ERMARD: variants seen among roughly 807,000 people sequenced by gnomAD.
ERMARD encodes ER membrane associated RNA degradation, also known as endoplasmic reticulum membrane-associated RNA degradation protein.
ERMARD carries 71 observed loss-of-function variants against 83.9 expected under a neutral mutation model. The ratio of observed to expected loss-of-function variants is 0.85; its 90% CI spans 0.70 to 1.03. The LOEUF (loss-of-function observed/expected upper bound fraction) is 1.03. ERMARD is among the 50% of genes least tolerant of loss of function. ERMARD has a pLI of 0.00. For missense variants in ERMARD, 838 were observed against 810.9 expected (o/e 1.03, Z -0.41); for synonymous variants, 284 against 298.6 (o/e 0.95, Z 0.50).
intron 5 of ERMARD, among the ~76,000 whole-genome samples, chr6:169,757,111 C>T (rs952121726): frequency 2.6e-5 from 4 of 152,196 alleles, no homozygotes; most frequent in African/African-American, 4.8e-5. Flanking sequence ...TCTCCCCCTG[C>T]GTCCCTCCCA....
intron 16 of ERMARD, among the ~76,000 whole-genome samples, chr6:169,778,429 ATAACAGCAGATTAACTTGAT>A (rs1319465416): frequency 3.3e-4 from 50 of 152,360 alleles, no homozygotes; most frequent in African/African-American, 1.2e-3. Flanking sequence ...GATTTAAAAT[ATAACAGCAGATTAACTTGAT>A]TAACAGCAGA....
At chr6:169,751,554 G>C (rs959644051), upstream of ERMARD, 66 of 1,610,178 alleles carry the variant, frequency 4.1e-5, no homozygotes, top group Non-Finnish European at 5.3e-5. Flanking sequence ...TCCCACCTGC[G>C]CCTCGTACGG....
intron 11 of ERMARD, among the ~76,000 whole-genome samples, chr6:169,768,761 GT>G (rs1792526456): frequency 6.6e-6 from 1 of 152,078 alleles, no homozygotes; most frequent in African/African-American, 2.4e-5. Context: ...GCAAGACTCC[GT>G]CTGAAAATAA....
chr6:169,776,340 C>A, intron 15 of ERMARD, 115 bp from the exon 16 acceptor site: 1 of 1,552,986 alleles, frequency 6.4e-7, no homozygotes, highest in South Asian at 1.2e-5. Context: ...GCAGACCAAC[C>A]AGCGATACGC....
chr6:169,781,255 A>G, intron 17 of ERMARD, 75 bp from the exon 18 acceptor site: 1 of 1,338,736 alleles, frequency 7.5e-7, no homozygotes, highest in Non-Finnish European at 1.0e-6. Flanking sequence ...TAATTCCAAG[A>G]ATGAAGTGAA....
chr6:169,751,464 T>C, upstream of ERMARD: 2 of 1,613,646 alleles, frequency 1.2e-6, no homozygotes, highest in African/African-American at 1.3e-5. Context: ...TCCATCTCGC[T>C]CTGTTCTCCA....
intron 12 of ERMARD, chr6:169,771,866 T>C (rs1792963789): frequency 6.6e-6 from 1 of 151,998 alleles, no homozygotes; most frequent in Non-Finnish European, 1.5e-5. Context: ...TGAAACCCTG[T>C]CTCTAATAAA....
At position 169,768,181 on chromosome 6, in the gene ERMARD, AG is replaced by A. The variant is rs773936767; in HGVS notation, c.1059+12del. Reference sequence around the variant, plus strand: ...TGGAGAGCCTGCTATGGTAAGTATTAGGTATTTTCCAGGCTAATATTCTTGT... The same window carrying A: ...TGGAGAGCCTGCTATGGTAAGTATTAGTATTTTCCAGGCTAATATTCTTGT... On this transcript the variant is annotated intron_variant, in intron 11 of 17. Transcript: ENST00000366773. The A allele has an allele frequency of 1.9e-6, 3 of 1,611,012 alleles. No individual in the cohort carries two copies. Among genetic ancestry groups the A allele is most frequent in the Non-Finnish European group, 2.5e-6 (3 of 1,177,274 alleles).
chr6:169,755,339 G>A lies in ERMARD; in HGVS notation c.232G>A (p.Val78Ile). The change falls in exon 3 of 18, where the codon GTC (valine) becomes ATC (isoleucine). Residue 78 changes from valine (V) to isoleucine (I), a missense_variant. By Grantham distance (29) the Val-to-Ile change is conservative. Coordinates refer to ENST00000366773, the MANE Select transcript of ERMARD (RefSeq NM_018341.3). ...GCTGCTGGGCCCTGTGTGTGAGGCT[G>A]TCCATTCACATTTCTTATCTCTGAC... ...VRLLGPVCEA[V>I]HSHFLSLTKG... The A allele has an allele frequency of 6.2e-7, 1 of 1,614,174 alleles. No individual in the cohort carries two copies. The highest frequency in any genetic ancestry group is 8.5e-7 in the Non-Finnish European group (1 of 1,180,044).
rs570700631 is a variant in ERMARD at position 169,775,736 on chromosome 6, C to T, written c.1395-204C>T. The T allele has an allele frequency of 4.1e-4, 266 of 656,164 alleles. 2 individuals are homozygous for T. The highest frequency in any genetic ancestry group is 6.0e-4 in the Non-Finnish European group (234 of 390,858). 40.6% of individuals were successfully genotyped at this position (656,164 alleles called of 1,614,324 possible). On this transcript the variant is annotated intron_variant, in intron 14 of 17. Coordinates refer to ENST00000366773, the MANE Select transcript of ERMARD (RefSeq NM_018341.3). Reference sequence around the variant, plus strand: ...AGAATACGCAGGTGGTTCATCGTCTCGTCGTCACTGGACTTTGCTCTTGGC... The same window carrying T: ...AGAATACGCAGGTGGTTCATCGTCTTGTCGTCACTGGACTTTGCTCTTGGC...
Position 169,766,652 on chromosome 6 carries a change from T to C in ERMARD, c.975T>C (p.Tyr325=). 6.3e-7 allele frequency: 1 copy of C among 1,581,148 alleles called. No homozygotes were observed. The highest frequency in any genetic ancestry group is 8.5e-7 in the Non-Finnish European group (1 of 1,171,762). Residue 325 remains tyrosine (Y), a synonymous_variant, in exon 10 of 18, where the codon TAT becomes TAC. Transcript: ENST00000366773. ...CTTTTCTGAAGTCAACAGCTCTTTA[T>C]ACCACCTTTGATCAAGTAAGTAAGT... ...RLLTAESTAL[Y]TTFDQILAKH...
rs182558816 is a variant in ERMARD, at chr6:169,766,774, A to G, written c.990+107A>G. On this transcript the variant is annotated intron_variant, in intron 10 of 17. Coordinates refer to ENST00000366773, the MANE Select transcript of ERMARD (RefSeq NM_018341.3). ...AAGATCAGCCATAAATCATATACTT[A>G]CAGGAAAATGTCCATAGTAATATAA... 402 of 1,224,986 alleles carry G rather than the reference A, an allele frequency of 3.3e-4. 1 individual carries two copies. In the African/African-American group the frequency reaches 5.6e-3, roughly 17 times the overall value. The allele number at this position is 1,224,986 out of a possible 1,614,324, so 75.9% of individuals were successfully genotyped here. A position where few individuals can be genotyped will look rare whatever the true frequency, so the allele number is the denominator to read the frequency against.
chr6:169,774,387 A>T (rs1793337292), intron 13 of ERMARD, among the ~76,000 whole-genome samples: 4 of 152,230 alleles, frequency 2.6e-5, no homozygotes, highest in Middle Eastern at 3.4e-3. Flanking sequence ...ACCAGTGGGG[A>T]TGCCGTGCTT....
At chr6:169,766,788 A>G (rs1205557819) in intron 10 of ERMARD, 121 bp downstream of exon 10, 8 of 1,118,750 alleles carry the variant, frequency 7.2e-6, no homozygotes, top group Middle Eastern at 6.3e-4. Flanking sequence ...GAAAATGTCC[A>G]TAGTAATATA....
intron 2 of ERMARD, among the ~76,000 whole-genome samples, chr6:169,754,458 A>G (rs930949715): frequency 1.3e-5 from 2 of 152,230 alleles, no homozygotes; most frequent in Admixed American, 6.5e-5. Flanking sequence ...TAATAGTTAT[A>G]AAAATTACAG....
chr6:169,767,695 G>A (rs1269374360), intron 10 of ERMARD: 1 of 210,808 alleles, frequency 4.7e-6, no homozygotes, highest in Non-Finnish European at 9.5e-6. Context: ...CACCACACAC[G>A]AACTCACACA....
chr6:169,780,667 C>T (rs1473054377), intron 17 of ERMARD, among the ~76,000 whole-genome samples: 4 of 152,190 alleles, frequency 2.6e-5, no homozygotes, highest in East Asian at 1.9e-4. Context: ...AGGCTCCTGA[C>T]GGGGCTAAAA....
chr6:169,780,499 C>G (rs1029604430), intron 17 of ERMARD, among the ~76,000 whole-genome samples: 1 of 152,230 alleles, frequency 6.6e-6, no homozygotes, highest in Non-Finnish European at 1.5e-5. Context: ...TGTCATCAGT[C>G]AGAGTGACCC....
intron 10 of ERMARD, chr6:169,767,793 A>G (rs1038747890): frequency 3.7e-5 from 14 of 375,996 alleles, no homozygotes; most frequent in Non-Finnish European, 5.9e-5. Flanking sequence ...GCACAGTTGC[A>G]TATAAACACA....
Sources: gnomAD v4.1 joint callset for allele counts (sites outside exome capture counted in the v4.1 genomes callset) on GRCh38, gnomAD v4.1.1 for gene constraint, MANE v1.5 for transcripts, NCBI Gene and HGNC (gene_info 2026-07-23, HGNC 2026-07-21) for gene names.